The following PPP1R9A variants were observed in gnomAD, a reference collection of about 807,000 sequenced individuals.
PPP1R9A encodes neurabin-1.
A neutral mutation model predicts 141.9 loss-of-function variants in PPP1R9A; 59 were observed. The observed-to-expected ratio is 0.42, with a 90% CI of 0.34 to 0.52. The LOEUF is 0.52. Among genes scored for constraint, PPP1R9A ranks in the 20% least tolerant of loss-of-function variants. The pLI, the probability that PPP1R9A is intolerant of heterozygous loss-of-function variation, is 0.10. For missense variants in PPP1R9A, 1,444 were observed against 1,611.9 expected, an observed-to-expected ratio of 0.90 and a Z score of 1.78; for synonymous variants, 500 against 569.7, an observed-to-expected ratio of 0.88 and a Z score of 1.74.
intron 12 of PPP1R9A, among the ~76,000 whole-genome samples, chr7:95,252,891 C>G (rs1459122638): frequency 6.6e-6 from 1 of 152,162 alleles, no homozygotes; most frequent in Admixed American, 6.5e-5. Context: ...GTGCTTTTAC[C>G]ATGGTGTACT....
intron 2 of PPP1R9A, among the ~76,000 whole-genome samples, chr7:95,086,661 C>A (rs1816671999): frequency 6.6e-6 from 1 of 151,942 alleles, no homozygotes; most frequent in Non-Finnish European, 1.5e-5. Flanking sequence ...CTGCACTAGG[C>A]CAAGCACTCT....
intron 2 of PPP1R9A, among the ~76,000 whole-genome samples, chr7:95,033,171 ATTTTTTTT>A (rs10709825): frequency 1.9e-5 from 2 of 103,868 alleles, no homozygotes; most frequent in East Asian, 5.7e-4. Context: ...TGCCTGGCTA[ATTTTTTTT>A]TTTTTTTTTT....
At chr7:95,214,578 T>C (rs2152923593) in intron 7 of PPP1R9A, among the ~76,000 whole-genome samples, 1 of 152,254 alleles carries the variant, frequency 6.6e-6, no homozygotes, top group South Asian at 2.1e-4. Context: ...TTCTGGTTGT[T>C]GGAAATCTGT....
In PPP1R9A at chr7:95,095,624, A is replaced by C. The variant is rs116333267; in HGVS notation, c.1396-15635A>C. Among the ~76,000 whole-genome samples, 831 of 152,366 alleles carry C rather than the reference A, an allele frequency of 5.5e-3. 8 individuals carry two copies. The highest frequency in any genetic ancestry group is 0.019 in the African/African-American group (777 of 41,598). The stretch of plus-strand genomic sequence containing the variant: ...TCATGATCCAGAATTGGTCAATTAC[A>C]TATGACTGCAGTTCCTGGAGAAGTC... On this transcript the variant is annotated intron_variant, in intron 2 of 19. Transcript: ENST00000433360.
At chr7:95,167,229 C>T (rs893190307) in intron 5 of PPP1R9A, among the ~76,000 whole-genome samples, 1 of 152,020 alleles carries the variant, frequency 6.6e-6, no homozygotes, top group Admixed American at 6.6e-5. Context: ...TTTTTAAAAC[C>T]GTCTTATCTC....
chr7:94,923,723 A>G (rs1793125498), intron 2 of PPP1R9A, among the ~76,000 whole-genome samples: 1 of 152,214 alleles, frequency 6.6e-6, no homozygotes, highest in African/African-American at 2.4e-5. Flanking sequence ...TCTATTGGGT[A>G]ATTTTCCACC....
At chr7:95,125,824 TA>T (rs1039295777) in intron 4 of PPP1R9A, among the ~76,000 whole-genome samples, 2 of 152,228 alleles carry the variant, frequency 1.3e-5, no homozygotes, top group African/African-American at 4.8e-5. Context: ...TAAATGATTT[TA>T]ATTGTTTTTT....
At chr7:95,039,673 G>A (rs146929137) in intron 2 of PPP1R9A, among the ~76,000 whole-genome samples, 1 of 151,778 alleles carries the variant, frequency 6.6e-6, no homozygotes, top group Non-Finnish European at 1.5e-5. Context: ...GAATAAATAA[G>A]TTTGAAAATA....
intron 7 of PPP1R9A, among the ~76,000 whole-genome samples, chr7:95,207,907 G>C (rs905375926): frequency 1.3e-5 from 2 of 152,012 alleles, no homozygotes; most frequent in African/African-American, 4.8e-5. Flanking sequence ...GCTTCATAGA[G>C]AAAAACAAAA....
chr7:94,989,142 G>A (rs140398856), intron 2 of PPP1R9A, among the ~76,000 whole-genome samples: 3 of 151,950 alleles, frequency 2.0e-5, no homozygotes, highest in African/African-American at 7.2e-5. Context: ...AAGTTTCCAG[G>A]TGATGTTAAT....
At chr7:95,144,771 G>A (rs996063258) in intron 4 of PPP1R9A, among the ~76,000 whole-genome samples, 9 of 152,274 alleles carry the variant, frequency 5.9e-5, no homozygotes, top group African/African-American at 1.9e-4. Context: ...GCATCCAGAC[G>A]GGAAGGGAAG....
At chr7:94,976,335 T>C (rs2151280079) in intron 2 of PPP1R9A, among the ~76,000 whole-genome samples, 1 of 143,942 alleles carries the variant, frequency 6.9e-6, no homozygotes, top group African/African-American at 2.6e-5. Context: ...ATATTTAACA[T>C]GTTTTATTCT....
chr7:95,282,178 A>G lies in PPP1R9A; in HGVS notation c.3297-1840A>G, dbSNP rs1804379994. 2.5e-5 allele frequency among the ~76,000 whole-genome samples: 3 copies of G among 121,646 alleles called. No individual in the cohort carries two copies. The Admixed American group carries it at 2.6e-4, about 10-fold the overall frequency. 79.8% of individuals were successfully genotyped at this position (121,646 alleles called of 152,430 possible). ...AACCCCTATCTCTACAAAAAATAAAAAAGTTAGCCAGGCACGGTGGCACAC... is the reference window on the plus strand; with the variant it reads ...AACCCCTATCTCTACAAAAAATAAAGAAGTTAGCCAGGCACGGTGGCACAC... On this transcript the variant is annotated intron_variant, in intron 16 of 19. Transcript: ENST00000433360.
intron 2 of PPP1R9A, among the ~76,000 whole-genome samples, chr7:95,080,688 T>A (rs1276448281): frequency 6.6e-6 from 1 of 152,208 alleles, no homozygotes; most frequent in Non-Finnish European, 1.5e-5. Flanking sequence ...GACTTCAAAC[T>A]ATACTTCTAC....
intron 5 of PPP1R9A, among the ~76,000 whole-genome samples, chr7:95,194,934 A>G (rs1836019905): frequency 6.6e-6 from 1 of 152,058 alleles, no homozygotes; most frequent in Admixed American, 6.5e-5. Context: ...ATTAAACCCA[A>G]TGGGCTTTAT....
chr7:95,230,872 A>G (rs957321357), intron 8 of PPP1R9A, among the ~76,000 whole-genome samples: 8 of 152,196 alleles, frequency 5.3e-5, no homozygotes, highest in African/African-American at 1.9e-4. Context: ...TTCAAGCAAT[A>G]AATAGCACAA....
At chr7:94,984,698 T>C (rs1464708779) in intron 2 of PPP1R9A, among the ~76,000 whole-genome samples, 1 of 152,212 alleles carries the variant, frequency 6.6e-6, no homozygotes, top group Non-Finnish European at 1.5e-5. Context: ...CATTTTTTAT[T>C]GCATCTATTT....
At chr7:95,231,772 ATAAC>A (rs1050150506) in intron 8 of PPP1R9A, among the ~76,000 whole-genome samples, 25 of 152,292 alleles carry the variant, frequency 1.6e-4, no homozygotes, top group African/African-American at 5.8e-4. Flanking sequence ...ATAGCATTAA[ATAAC>A]TACATCAAAA....
intron 2 of PPP1R9A, among the ~76,000 whole-genome samples, chr7:95,091,337 CTT>C (rs555627706): frequency 6.0e-3 from 452 of 75,934 alleles, no homozygotes; most frequent in African/African-American, 0.022. Flanking sequence ...TGTTTTAACT[CTT>C]TTTTTTTTTT....
Sources: gnomAD v4.1 joint callset for allele counts (sites outside exome capture counted in the v4.1 genomes callset) on GRCh38, gnomAD v4.1.1 for gene constraint, MANE v1.5 for transcripts, NCBI Gene and HGNC (gene_info 2026-07-23, HGNC 2026-07-21) for gene names.